Variants in GALNT9 observed in about 807,000 individuals in gnomAD.
GALNT9 encodes the protein polypeptide N-acetylgalactosaminyltransferase 9, also known as GalNAc transferase 9.
Under a neutral mutation model 63.1 loss-of-function variants are expected in GALNT9, and 47 were observed. The observed-to-expected ratio is 0.75, with a 90% CI of 0.59 to 0.95. The LOEUF is 0.95. Among genes scored for constraint, GALNT9 ranks in the 40% least tolerant of loss-of-function variants. GALNT9 has a pLI of 0.00. For synonymous variants in GALNT9, 396 were observed against 365.7 expected (o/e 1.08, Z -0.94); for missense variants, 829 against 874.8 (o/e 0.95, Z 0.66).
intron 2 of GALNT9, among the ~76,000 whole-genome samples, chr12:132,267,800 C>CACACTCACACGCAT: frequency 7.1e-6 from 1 of 140,136 alleles, no homozygotes; most frequent in East Asian, 2.1e-4. Context: ...CGCACTCACA[C>CACACTCACACGCAT]GCACTCACAC....
chr12:132,314,373 T>C (rs1358038896), intron 1 of GALNT9, among the ~76,000 whole-genome samples: 1 of 152,150 alleles, frequency 6.6e-6, no homozygotes, highest in Non-Finnish European at 1.5e-5. Flanking sequence ...TTCTGGGACC[T>C]ACCATGTGGG....
At chr12:132,271,189 A>G (rs1264520087) in intron 2 of GALNT9, among the ~76,000 whole-genome samples, 2 of 152,112 alleles carry the variant, frequency 1.3e-5, no homozygotes, top group African/African-American at 4.8e-5. Flanking sequence ...CAGGGCGGTC[A>G]CACGTGAACA....
chr12:132,208,440 A>G (rs962261483), intron 6 of GALNT9, among the ~76,000 whole-genome samples: 2 of 152,242 alleles, frequency 1.3e-5, no homozygotes, highest in East Asian at 3.8e-4. Context: ...GGGGGACGCT[A>G]TCACCCTAGG....
intron 5 of GALNT9, among the ~76,000 whole-genome samples, chr12:132,255,834 G>A (rs191405618): frequency 5.3e-5 from 8 of 152,298 alleles, no homozygotes; most frequent in Admixed American, 5.2e-4. Flanking sequence ...ACAACACCGC[G>A]TGGACCCACA....
rs1453711720 is a variant in GALNT9 at position 132,236,702 on chromosome 12, CG to C, written c.1077+11207del. Among the ~76,000 whole-genome samples the C allele has an allele frequency of 6.6e-6, 1 of 152,188 alleles. No homozygotes were observed. The highest frequency in any genetic ancestry group is 1.5e-5 in the Non-Finnish European group (1 of 68,026). On this transcript the variant is annotated intron_variant, in intron 6 of 10. Transcript: ENST00000328957. This position sits in a 1 kb window ranked among gnomAD's most constrained non-coding sequence, Gnocchi z 5.6. ...CCCAGCCTCGCAAGGTGTAAGGTTT[CG>C]GGGCATCAAGCCTGGCCTCGGCCAG... is the stretch of plus-strand genomic sequence containing the variant.
In GALNT9 at chr12:132,329,003, C is replaced by A. The variant is rs1291425363; in HGVS notation, c.201G>T (p.Leu67=). The change falls in exon 1 of 11, where the codon CTG becomes CTT. Residue 67 remains leucine, a synonymous_variant. Transcript: ENST00000328957. ...TGTAGACCACCTCCTCCAGGTGGTC[C>A]AGGCGCTGCAGGATGGCCTCACGGT... ...LGDREAILQR[L]DHLEEVVYNQ... 1 of 1,542,034 alleles carries A rather than the reference C, an allele frequency of 6.5e-7. No individual in the cohort carries two copies. Among genetic ancestry groups the A allele is most frequent in the East Asian group, 2.5e-5 (1 of 40,798 alleles).
intron 1 of GALNT9, among the ~76,000 whole-genome samples, chr12:132,311,798 G>A (rs111240093): frequency 0.032 from 4,865 of 152,220 alleles, 262 homozygotes; most frequent in African/African-American, 0.11. Context: ...GTGTGCGTGC[G>A]ACCTTGGCTG....
intron 1 of GALNT9, among the ~76,000 whole-genome samples, chr12:132,301,876 C>T (rs908871480): frequency 2.0e-5 from 3 of 152,240 alleles, no homozygotes; most frequent in African/African-American, 7.2e-5. Flanking sequence ...GTTATGGCCA[C>T]AGATGCCTTC....
intron 4 of GALNT9, among the ~76,000 whole-genome samples, chr12:132,259,598 G>A (rs1337368128): frequency 1.3e-5 from 2 of 152,160 alleles, no homozygotes; most frequent in African/African-American, 4.8e-5. Context: ...AGCCTGAGAG[G>A]TGCCAAGTCC....
In GALNT9 at chr12:132,265,116, A is replaced by T. The variant is rs1363658999; in HGVS notation, c.420-2491T>A. Among the ~76,000 whole-genome samples, 1 of 152,216 alleles carries T rather than the reference A, an allele frequency of 6.6e-6. No homozygotes were observed. The highest frequency in any genetic ancestry group is 1.5e-5 in the Non-Finnish European group (1 of 68,030). On this transcript the variant is annotated intron_variant, in intron 2 of 10. Transcript: ENST00000328957. The surrounding 1 kb of genome is among the most constrained non-coding windows in gnomAD (Gnocchi z 5.3). Reference sequence around the variant, plus strand: ...CTCTTCCAAATCTCGCTTTTCTGCAAGGCTCAACCCAGCCCCAAGAAAAAG... The same window carrying T: ...CTCTTCCAAATCTCGCTTTTCTGCATGGCTCAACCCAGCCCCAAGAAAAAG...
rs932340972 is a variant in GALNT9, at chr12:132,252,550, A to G, written c.960-4523T>C. On this transcript the variant is annotated intron_variant, in intron 5 of 10. Coordinates refer to ENST00000328957, the MANE Select transcript of GALNT9 (RefSeq NM_001122636.2). The surrounding 1 kb of genome is among the most constrained non-coding windows in gnomAD (Gnocchi z 5.2). ...ACACAAGACAAAGAGATAAAGAGAA[A>G]ACAGCTGGGCCTGGGGGGAACCACT... Among the ~76,000 whole-genome samples, 3 of 152,092 alleles carry G rather than the reference A, an allele frequency of 2.0e-5. No individual in the cohort carries two copies. The highest frequency in any genetic ancestry group is 7.2e-5 in the African/African-American group (3 of 41,416).
chr12:132,214,265 C>T (rs568269006), intron 6 of GALNT9, among the ~76,000 whole-genome samples: 31 of 152,280 alleles, frequency 2.0e-4, no homozygotes, highest in African/African-American at 3.6e-4. Context: ...CTCACCACAC[C>T]GGCGACTCCA....
chr12:132,201,571 C>A (rs1876121145), intron 7 of GALNT9, among the ~76,000 whole-genome samples: 1 of 152,196 alleles, frequency 6.6e-6, no homozygotes, highest in South Asian at 2.1e-4. Context: ...GAGAAGACGG[C>A]CCTGCTCACC....
chr12:132,203,815 G>C (rs1344222154), intron 6 of GALNT9, 125 bp from the exon 7 acceptor site: 1 of 974,348 alleles, frequency 1.0e-6, no homozygotes. Context: ...CACCACCGAC[G>C]GGCCTGGTGG....
intron 1 of GALNT9, among the ~76,000 whole-genome samples, chr12:132,326,847 C>G (rs1162829684): frequency 6.6e-6 from 1 of 152,198 alleles, no homozygotes; most frequent in Non-Finnish European, 1.5e-5. Context: ...GAGCCTGTGC[C>G]AACATCAGAG....
At chr12:132,206,853 A>T (rs1416611650) in intron 6 of GALNT9, among the ~76,000 whole-genome samples, 1 of 152,158 alleles carries the variant, frequency 6.6e-6, no homozygotes, top group Non-Finnish European at 1.5e-5. Flanking sequence ...CTATTTGTCC[A>T]TTAAAAAAAC....
At chr12:132,240,326 G>A (rs1002982167) in intron 6 of GALNT9, among the ~76,000 whole-genome samples, 2 of 152,150 alleles carry the variant, frequency 1.3e-5, no homozygotes, top group African/African-American at 4.8e-5. Flanking sequence ...CTGGCCTCTG[G>A]CCGGCAGACT....
At chr12:132,328,936 C>G (rs1555246703) in intron 1 of GALNT9, 30 bp downstream of exon 1, 2 of 1,492,534 alleles carry the variant, frequency 1.3e-6, no homozygotes, top group Non-Finnish European at 1.8e-6. Flanking sequence ...GGCAGGGCTG[C>G]CCCCACTCCG....
chr12:132,217,183 C>T (rs575122727), intron 6 of GALNT9, among the ~76,000 whole-genome samples: 48 of 151,942 alleles, frequency 3.2e-4, no homozygotes, highest in Admixed American at 2.4e-3. Context: ...CCCATCCACG[C>T]GGACTCATCC....
Sources: gnomAD v4.1 joint callset for allele counts (sites outside exome capture counted in the v4.1 genomes callset) on GRCh38, gnomAD v4.1.1 for gene constraint, Gnocchi (gnomAD v3.1) non-coding constraint, MANE v1.5 for transcripts, NCBI Gene and HGNC (gene_info 2026-07-23, HGNC 2026-07-21) for gene names.